Variants in FHAD1 observed in about 807,000 individuals in gnomAD.
FHAD1 encodes the protein forkhead-associated domain-containing protein 1.
Under a neutral mutation model 191.3 loss-of-function variants are expected in FHAD1, and 146 were observed. The observed-to-expected ratio is 0.76, with a 90% CI of 0.67 to 0.88. FHAD1 has a LOEUF of 0.88. Among genes scored for constraint, FHAD1 ranks in the 40% least tolerant of loss-of-function variants. The pLI, the probability that FHAD1 is intolerant of heterozygous loss-of-function variation, is 0.00. For missense variants in FHAD1, 1,635 were observed against 1,785.8 expected (o/e 0.92, Z 1.52); for synonymous variants, 616 against 672.3 (o/e 0.92, Z 1.29).
chr1:15,341,786 G>C lies in FHAD1; in HGVS notation c.2028G>C (p.Lys676Asn). The part of the protein sequence containing the change: ...QETQQSLLQE[K>N]LREHLAEKEK... ...CTCAGCAGTCTTTACTGCAGGAAAA[G>C]CTGCGGGAGCATCTGGCAGAGAAGG... is the stretch of plus-strand genomic sequence containing the variant. Residue 676 changes from lysine (K) to asparagine (N), a missense_variant, in exon 16 of 34, where the codon AAG becomes AAC. Transcript: ENST00000688493. 1 of 1,551,768 alleles carries C rather than the reference G, an allele frequency of 6.4e-7. No homozygotes were observed. The highest frequency in any genetic ancestry group is 8.7e-7 in the Non-Finnish European group (1 of 1,146,820).
At chr1:15,267,029 T>A (rs1212104179) in intron 2 of FHAD1, among the ~76,000 whole-genome samples, 1 of 152,122 alleles carries the variant, frequency 6.6e-6, no homozygotes, top group East Asian at 1.9e-4. Flanking sequence ...AAAGATGCTA[T>A]AAACATGCAT....
chr1:15,362,791 AG>A (rs1695229987), intron 23 of FHAD1, 65 bp downstream of exon 23: 6 of 1,293,274 alleles, frequency 4.6e-6, no homozygotes, highest in Middle Eastern at 2.2e-4. Context: ...GGGGGCAAAC[AG>A]GCAACCAGCC....
chr1:15,381,232 A>T lies in FHAD1; in HGVS notation c.3803A>T (p.Tyr1268Phe). ...AEALELSEKL[Y>F]LDMSKTLGSL... Reference sequence around the variant, plus strand: ...TATGCGCGAACGTTTTCCTTGTAGTACCTGGATATGAGCAAAACCCTCGGA... The same window carrying T: ...TATGCGCGAACGTTTTCCTTGTAGTTCCTGGATATGAGCAAAACCCTCGGA... Residue 1268 changes from tyrosine to phenylalanine, a missense_variant and splice_region_variant, in exon 30 of 34, where the codon TAC becomes TTC. Coordinates refer to ENST00000688493, the MANE Select transcript of FHAD1 (RefSeq NM_001391957.1). The surrounding 1 kb of genome is among the most constrained non-coding windows in gnomAD (Gnocchi z 4.6). The T allele has an allele frequency of 6.4e-7, 1 of 1,550,662 alleles. No individual in the cohort carries two copies. Among genetic ancestry groups the T allele is most frequent in the Non-Finnish European group, 8.7e-7 (1 of 1,146,162 alleles).
intron 4 of FHAD1, among the ~76,000 whole-genome samples, chr1:15,291,827 C>T (rs1574033169): frequency 6.6e-6 from 1 of 152,294 alleles, no homozygotes; most frequent in East Asian, 1.9e-4. Context: ...GCCTCAGTTC[C>T]TCACTAGCTG....
At position 15,392,867 on chromosome 1, in the gene FHAD1, A is replaced by C. The variant is rs956028230; in HGVS notation, c.4323+1604A>C. Reference sequence around the variant, plus strand: ...ATAAAGGAAAATCTTCCAGTTAACAAGTACTTACTGAGGACCTAGGCTAGG... The same window carrying C: ...ATAAAGGAAAATCTTCCAGTTAACACGTACTTACTGAGGACCTAGGCTAGG... On this transcript the variant is annotated intron_variant, in intron 33 of 33. Transcript: ENST00000688493. 3.3e-5 allele frequency among the ~76,000 whole-genome samples: 5 copies of C among 152,268 alleles called. No individual in the cohort carries two copies. The East Asian group carries it at 7.7e-4, about 23-fold the overall frequency.
Position 15,272,466 on chromosome 1 carries a change from A to G in FHAD1, c.237A>G (p.Gly79=). 5 of 1,551,194 alleles carry G rather than the reference A, an allele frequency of 3.2e-6. No individual in the cohort carries two copies. In the South Asian group the frequency reaches 4.8e-5, roughly 15 times the overall value. The change falls in exon 3 of 34, where the codon GGA becomes GGG. Residue 79 remains glycine (G), a synonymous_variant. Coordinates refer to ENST00000688493, the MANE Select transcript of FHAD1 (RefSeq NM_001391957.1). ...ACGTGGCTGTGAAGCTCATCCCTGG[A>G]GACATCCTGAGATTTGGGTCTGCAG... ...IQNVAVKLIP[G]DILRFGSAGL...
intron 33 of FHAD1, among the ~76,000 whole-genome samples, chr1:15,394,058 C>T (rs113526290): frequency 1.3e-5 from 2 of 152,272 alleles, no homozygotes; most frequent in African/African-American, 2.4e-5. Flanking sequence ...TTTAAATGAC[C>T]GGCTTCTACC....
chr1:15,387,984 C>T, intron 31 of FHAD1, 67 bp from the exon 32 acceptor site: 1 of 897,616 alleles, frequency 1.1e-6, no homozygotes, highest in Non-Finnish European at 1.6e-6. Flanking sequence ...AGGCCTGTCC[C>T]AGATTGGAAC....
downstream of FHAD1, among the ~76,000 whole-genome samples, chr1:15,401,348 GC>G (rs535226155): frequency 2.6e-5 from 4 of 152,248 alleles, no homozygotes; most frequent in South Asian, 8.3e-4. Context: ...CTGCTACACA[GC>G]CCCCACCCAC....
At chr1:15,378,032 G>A (rs138548203) in intron 28 of FHAD1, among the ~76,000 whole-genome samples, 100 of 151,836 alleles carry the variant, frequency 6.6e-4, no homozygotes, top group African/African-American at 2.3e-3. Flanking sequence ...GGCCAGGCAC[G>A]GTGGCTCACG....
intron 5 of FHAD1, among the ~76,000 whole-genome samples, chr1:15,299,013 A>G (rs1667805089): frequency 7.3e-6 from 1 of 137,234 alleles, no homozygotes; most frequent in East Asian, 1.9e-4. Flanking sequence ...TGCAAAAAAA[A>G]AAACAAAAAC....
chr1:15,308,469 C>T lies in FHAD1; in HGVS notation c.916-144C>T, dbSNP rs911132091. On this transcript the variant is annotated intron_variant, in intron 6 of 33. Transcript: ENST00000688493. ...GGAACAGGCCCTCCCCTGTCCCTTC[C>T]ACTGGTTAAAACTAAAAAGCTTGGT... The T allele has an allele frequency of 1.6e-5, 17 of 1,085,416 alleles. No homozygotes were observed. In the African/African-American group the frequency reaches 2.2e-4, roughly 14 times the overall value. The allele number at this position is 1,085,416 out of a possible 1,614,324, so 67.2% of individuals were successfully genotyped here. A position where few individuals can be genotyped will look rare whatever the true frequency, so the allele number is the denominator to read the frequency against.
At position 15,240,646 on chromosome 1, in the gene FHAD1, A is replaced by G. The variant is rs1443081762; in HGVS notation, c.-15+3885A>G. On this transcript the variant is annotated intron_variant, in intron 1 of 33. Coordinates refer to the FHAD1 transcript ENST00000683790. Reference sequence around the variant, plus strand: ...ACCCTGTCTCAAAAAAAAAAAAAAAAAGAAAGAAAAAGAAAAAAGAAAGCA... The same window carrying G: ...ACCCTGTCTCAAAAAAAAAAAAAAAGAGAAAGAAAAAGAAAAAAGAAAGCA... 3.6e-5 allele frequency among the ~76,000 whole-genome samples: 5 copies of G among 140,612 alleles called. No individual in the cohort carries two copies. The South Asian group carries it at 6.9e-4, about 19-fold the overall frequency. 92.2% of individuals were successfully genotyped at this position (140,612 alleles called of 152,430 possible).
intron 4 of FHAD1, among the ~76,000 whole-genome samples, chr1:15,293,973 A>C (rs529836781): frequency 6.6e-6 from 1 of 151,962 alleles, no homozygotes; most frequent in African/African-American, 2.4e-5. Flanking sequence ...GGGCGTCACC[A>C]CTGCAGCCTC....
intron 1 of FHAD1, among the ~76,000 whole-genome samples, chr1:15,237,862 A>G (rs867478847): frequency 6.6e-6 from 1 of 152,344 alleles, no homozygotes; most frequent in Middle Eastern, 3.4e-3. Flanking sequence ...AAACCTGAGA[A>G]GAAATGTCCA....
chr1:15,290,068 A>G (rs1269171365), intron 4 of FHAD1, among the ~76,000 whole-genome samples: 36 of 152,198 alleles, frequency 2.4e-4, no homozygotes, highest in Admixed American at 2.3e-3. Flanking sequence ...AAAATATTTT[A>G]CCACCATTTT....
At chr1:15,328,507 T>G in intron 13 of FHAD1, 78 bp downstream of exon 13, 1 of 1,230,324 alleles carries the variant, frequency 8.1e-7, no homozygotes, top group Non-Finnish European at 1.1e-6. Flanking sequence ...TTGCCCAGCT[T>G]TTTTGGAGCA....
In FHAD1 at chr1:15,316,543, G is replaced by A; in HGVS notation, c.1260+76G>A. 8.2e-7 allele frequency: 1 copy of A among 1,223,550 alleles called. No homozygotes were observed. Among genetic ancestry groups the A allele is most frequent in the Non-Finnish European group, 1.2e-6 (1 of 855,690 alleles). The allele number at this position is 1,223,550 out of a possible 1,614,324, so 75.8% of individuals were successfully genotyped here. Reference sequence around the variant, plus strand: ...ACCTTGAGGTTCTTGGTGGGATCCTGGGCCATCACTAAGCATGAAGCTCTG... The same window carrying A: ...ACCTTGAGGTTCTTGGTGGGATCCTAGGCCATCACTAAGCATGAAGCTCTG... On this transcript the variant is annotated intron_variant, in intron 9 of 33. Transcript: ENST00000688493. This position sits in a 1 kb window ranked among gnomAD's most constrained non-coding sequence, Gnocchi z 4.3.
chr1:15,269,681 T>G (rs1655055972), intron 2 of FHAD1, among the ~76,000 whole-genome samples: 1 of 152,224 alleles, frequency 6.6e-6, no homozygotes, highest in Non-Finnish European at 1.5e-5. Flanking sequence ...TCTTGTTGAT[T>G]GACGGTGTTG....
Sources: gnomAD v4.1 joint callset for allele counts (sites outside exome capture counted in the v4.1 genomes callset) on GRCh38, gnomAD v4.1.1 for gene constraint, Gnocchi (gnomAD v3.1) non-coding constraint, MANE v1.5 for transcripts, NCBI Gene and HGNC (gene_info 2026-07-23, HGNC 2026-07-21) for gene names.